The following CHRNB3 variants were observed in gnomAD, a reference collection of about 807,000 sequenced individuals.
CHRNB3 encodes neuronal acetylcholine receptor subunit beta-3.
CHRNB3 carries 37 observed loss-of-function variants against 40.6 expected under a neutral mutation model. The observed-to-expected ratio is 0.91, with a 90% confidence interval of 0.70 to 1.20. CHRNB3 has a LOEUF of 1.20. CHRNB3 is among the 50% of genes most tolerant of loss of function. The pLI is 0.00. For missense variants in CHRNB3, 505 were observed against 551.2 expected, an observed-to-expected ratio of 0.92 and a Z score of 0.84; for synonymous variants, 207 against 207.1, an observed-to-expected ratio of 1.00 and a Z score of 0.00.
chr8:42,717,164 G>A (rs556752603), intron 3 of CHRNB3, among the ~76,000 whole-genome samples: 28 of 134,278 alleles, frequency 2.1e-4, no homozygotes, highest in Non-Finnish European at 4.1e-4. Context: ...ACGAGGTCAG[G>A]AGATCGAGAC....
At chr8:42,697,842 G>A (rs1321178293) in intron 1 of CHRNB3, among the ~76,000 whole-genome samples, 1 of 151,968 alleles carries the variant, frequency 6.6e-6, no homozygotes, top group Non-Finnish European at 1.5e-5. Flanking sequence ...TTCTCCTTCT[G>A]AATCACTATG....
At position 42,732,060 on chromosome 8, in the gene CHRNB3, A is replaced by G; in HGVS notation, c.753A>G (p.Thr251=). ...IIPCLGLSFL[T]VLVFYLPSDE... ...CCTGCCTGGGGCTGTCTTTCCTAAC[A>G]GTTCTTGTGTTCTATTTACCTTCGG... Residue 251 remains threonine, a synonymous_variant, in exon 5 of 6, where the codon ACA becomes ACG. Coordinates refer to ENST00000289957, the MANE Select transcript of CHRNB3 (RefSeq NM_000749.5). The G allele has an allele frequency of 1.2e-6, 2 of 1,613,954 alleles. No individual in the cohort carries two copies. The highest frequency in any genetic ancestry group is 2.2e-5 in the East Asian group (1 of 44,884).
chr8:42,712,657 C>T (rs1424990340), intron 3 of CHRNB3, among the ~76,000 whole-genome samples: 6 of 152,116 alleles, frequency 3.9e-5, no homozygotes. Context: ...CAGTGACTTA[C>T]CCACTTTTGC....
intron 3 of CHRNB3, among the ~76,000 whole-genome samples, chr8:42,713,895 A>T (rs113723830): frequency 6.6e-6 from 1 of 152,294 alleles, no homozygotes; most frequent in East Asian, 1.9e-4. Flanking sequence ...CTTTCTGGCC[A>T]TATGCAGCCT....
intron 3 of CHRNB3, among the ~76,000 whole-genome samples, chr8:42,715,531 T>C (rs1458000851): frequency 6.6e-6 from 1 of 152,182 alleles, no homozygotes; most frequent in Non-Finnish European, 1.5e-5. Flanking sequence ...CATATCCACA[T>C]GGAGAAGAAA....
intron 3 of CHRNB3, among the ~76,000 whole-genome samples, chr8:42,716,997 T>A (rs948714092): frequency 6.6e-6 from 1 of 152,104 alleles, no homozygotes; most frequent in African/African-American, 2.4e-5. Flanking sequence ...CAACAGCTGA[T>A]GTCTGTTTTA....
intron 4 of CHRNB3, among the ~76,000 whole-genome samples, chr8:42,731,248 G>T (rs1254893537): frequency 6.6e-6 from 1 of 151,762 alleles, no homozygotes; most frequent in Non-Finnish European, 1.5e-5. Flanking sequence ...GTTACCTGGC[G>T]TTGTGGTAGA....
intron 5 of CHRNB3, among the ~76,000 whole-genome samples, chr8:42,733,653 T>C (rs6474416): frequency 0.99 from 143,604 of 144,572 alleles, 71,333 homozygotes; most frequent in Middle Eastern, 1. Flanking sequence ...AGTGCGGTGG[T>C]GTGATCTCAG....
Position 42,731,887 on chromosome 8 carries a change from G to A in CHRNB3, c.580G>A (p.Asp194Asn). The change falls in exon 5 of 6, where the codon GAC (aspartate) becomes AAC (asparagine). Residue 194 changes from aspartate (D) to asparagine (N), a missense_variant. Physicochemically the swap from Asp to Asn is conservative, Grantham distance 23. Transcript: ENST00000289957. ...ILINENVDRKDFFDNGEWEIL... is the reference protein window; with the variant it reads ...ILINENVDRKNFFDNGEWEIL... ...GATCAATGAAAATGTCGACAGAAAA[G>A]ACTTCTTCGATAACGGAGAATGGGA... 6.2e-7 allele frequency: 1 copy of A among 1,614,176 alleles called. No homozygotes were observed. The highest frequency in any genetic ancestry group is 8.5e-7 in the Non-Finnish European group (1 of 1,180,036).
intron 3 of CHRNB3, among the ~76,000 whole-genome samples, chr8:42,714,167 G>A (rs768493839): frequency 9.2e-5 from 14 of 152,156 alleles, no homozygotes; most frequent in Non-Finnish European, 1.5e-4. Context: ...AGGAGGCATT[G>A]AGCTCTGCCA....
chr8:42,708,255 A>T (rs564234339), intron 1 of CHRNB3, among the ~76,000 whole-genome samples: 3 of 152,280 alleles, frequency 2.0e-5, no homozygotes, highest in Middle Eastern at 6.8e-3. Flanking sequence ...CCACGAGGTC[A>T]GGAGATCGAG....
intron 3 of CHRNB3, among the ~76,000 whole-genome samples, chr8:42,727,088 C>T (rs1816323830): frequency 1.3e-5 from 2 of 152,094 alleles, no homozygotes; most frequent in African/African-American, 2.4e-5. Flanking sequence ...GACAGATGCA[C>T]AGGGCCGGGC....
chr8:42,729,679 G>A (rs1014359667), intron 3 of CHRNB3, among the ~76,000 whole-genome samples: 63 of 152,186 alleles, frequency 4.1e-4, no homozygotes, highest in African/African-American at 1.3e-3. Context: ...TCCGGGAAGC[G>A]TCATGCTGGG....
At chr8:42,707,515 T>C (rs930883280) in intron 1 of CHRNB3, among the ~76,000 whole-genome samples, 2 of 152,234 alleles carry the variant, frequency 1.3e-5, no homozygotes, top group African/African-American at 4.8e-5. Flanking sequence ...GAATGGCCAC[T>C]GCACTCTAGC....
In CHRNB3 at chr8:42,731,782, T is replaced by C. The variant is rs1174482303; in HGVS notation, c.475T>C (p.Phe159Leu). The C allele has an allele frequency of 1.4e-5, 22 of 1,613,892 alleles. No homozygotes were observed. The Admixed American group carries it at 2.7e-4, about 20-fold the overall frequency. Residue 159 changes from phenylalanine to leucine, a missense_variant, in exon 5 of 6, where the codon TTT becomes CTT. Transcript: ENST00000289957. The part of the protein sequence containing the change: ...YKSSCTMDVT[F>L]FPFDRQNCSM... ...AAGCTCCTGCACCATGGACGTCACG[T>C]TTTTCCCGTTCGACCGACAGAACTG...
intron 3 of CHRNB3, among the ~76,000 whole-genome samples, chr8:42,722,140 G>A (rs976800230): frequency 1.8e-4 from 27 of 152,062 alleles, no homozygotes; most frequent in Admixed American, 6.6e-4. Flanking sequence ...TTGGGAAGCC[G>A]AGGCGGGTGG....
intron 1 of CHRNB3, chr8:42,705,956 G>T (rs1815916424): frequency 6.6e-6 from 1 of 152,314 alleles, no homozygotes; most frequent in African/African-American, 2.4e-5. Flanking sequence ...ATACAGGAGT[G>T]AGGAAGACAA....
chr8:42,724,042 C>T (rs75828710), intron 3 of CHRNB3, among the ~76,000 whole-genome samples: 4,889 of 151,892 alleles, frequency 0.032, 126 homozygotes, highest in Middle Eastern at 0.11. Context: ...GCCAAGATTG[C>T]GCCACTGTAC....
At chr8:42,736,064 C>T (rs1816518127) in intron 5 of CHRNB3, among the ~76,000 whole-genome samples, 1 of 152,116 alleles carries the variant, frequency 6.6e-6, no homozygotes, top group Non-Finnish European at 1.5e-5. Flanking sequence ...GGGAGTTTCA[C>T]CATGTTGGCC....
Sources: gnomAD v4.1 joint callset for allele counts (sites outside exome capture counted in the v4.1 genomes callset) on GRCh38, gnomAD v4.1.1 for gene constraint, MANE v1.5 for transcripts, NCBI Gene and HGNC (gene_info 2026-07-23, HGNC 2026-07-21) for gene names.